Variants in RNF144A observed in about 807,000 individuals in gnomAD.
RNF144A encodes E3 ubiquitin-protein ligase RNF144A.
Under a neutral mutation model 38.7 loss-of-function variants are expected in RNF144A, and 11 were observed. The ratio of observed to expected loss-of-function variants is 0.28; its 90% CI spans 0.18 to 0.47. The LOEUF (loss-of-function observed/expected upper bound fraction) is 0.47, where lower values mean the gene tolerates loss of function less well. RNF144A is among the 20% of genes least tolerant of loss of function. The pLI is 0.99. For missense variants in RNF144A, 316 were observed against 377.2 expected (o/e 0.84, Z 1.34); for synonymous variants, 149 against 143.9 (o/e 1.04, Z -0.25).
chr2:6,945,175 TA>T (rs1314075387), intron 2 of RNF144A, among the ~76,000 whole-genome samples: 1 of 152,268 alleles, frequency 6.6e-6, no homozygotes, highest in African/African-American at 2.4e-5. Flanking sequence ...AGCTGGCCTT[TA>T]GGGCAAAGGT....
At chr2:7,052,744 G>GT (rs879625504) in intron 6 of RNF144A, among the ~76,000 whole-genome samples, 9 of 151,994 alleles carry the variant, frequency 5.9e-5, no homozygotes, top group Admixed American at 5.9e-4. Flanking sequence ...GGGGTGGGGG[G>GT]GAATCACTCG....
At chr2:7,021,502 G>C (rs1005765246) in intron 6 of RNF144A, among the ~76,000 whole-genome samples, 1 of 152,090 alleles carries the variant, frequency 6.6e-6, no homozygotes, top group Admixed American at 6.5e-5. Context: ...CCTTCCGGGC[G>C]AACCTCTCTT....
chr2:6,940,434 G>A (rs1006824291), intron 1 of RNF144A, among the ~76,000 whole-genome samples: 5 of 152,124 alleles, frequency 3.3e-5, no homozygotes, highest in Non-Finnish European at 7.3e-5. Flanking sequence ...TGATAACGCT[G>A]AATTTATGTC....
At chr2:6,928,966 G>A (rs930117720) in intron 1 of RNF144A, among the ~76,000 whole-genome samples, 2 of 152,154 alleles carry the variant, frequency 1.3e-5, no homozygotes, top group Non-Finnish European at 2.9e-5. Context: ...CATTTTGGGG[G>A]TGACATGGAA....
chr2:7,005,077 G>A (rs375661940), intron 3 of RNF144A, among the ~76,000 whole-genome samples: 6 of 152,286 alleles, frequency 3.9e-5, no homozygotes, highest in South Asian at 2.1e-4. Flanking sequence ...AAATCATAGC[G>A]TCGTCAGATT....
intron 2 of RNF144A, among the ~76,000 whole-genome samples, chr2:6,949,520 G>T (rs1207089322): frequency 6.6e-6 from 1 of 151,942 alleles, no homozygotes; most frequent in Non-Finnish European, 1.5e-5. Context: ...GACATCCTCT[G>T]TATTAAAAGG....
At chr2:7,000,488 G>A (rs1358862868) in intron 3 of RNF144A, among the ~76,000 whole-genome samples, 1 of 152,220 alleles carries the variant, frequency 6.6e-6, no homozygotes, top group Non-Finnish European at 1.5e-5. Flanking sequence ...AATCTAAAAT[G>A]TAGAAGATGT....
At chr2:7,017,051 T>C (rs1482172726) in intron 5 of RNF144A, among the ~76,000 whole-genome samples, 1 of 152,202 alleles carries the variant, frequency 6.6e-6, no homozygotes, top group African/African-American at 2.4e-5. Flanking sequence ...CTCCAGAGTC[T>C]GGGTAGGGAC....
intron 7 of RNF144A, among the ~76,000 whole-genome samples, chr2:7,025,770 T>C (rs1671851946): frequency 6.6e-6 from 1 of 152,242 alleles, no homozygotes; most frequent in Non-Finnish European, 1.5e-5. Flanking sequence ...GCAAATCAAG[T>C]CGTGTTTCAT....
At chr2:6,973,836 C>A (rs1052027671) in intron 2 of RNF144A, among the ~76,000 whole-genome samples, 1 of 152,228 alleles carries the variant, frequency 6.6e-6, no homozygotes, top group Non-Finnish European at 1.5e-5. Flanking sequence ...GCTTACGTGC[C>A]GTCTCTGGCT....
At chr2:7,026,160 A>G (rs1387361133) in intron 7 of RNF144A, among the ~76,000 whole-genome samples, 1 of 152,226 alleles carries the variant, frequency 6.6e-6, no homozygotes, top group African/African-American at 2.4e-5. Context: ...GGACTATTAC[A>G]TATGGTAACG....
At chr2:7,009,410 G>C (rs980058657) in intron 3 of RNF144A, among the ~76,000 whole-genome samples, 3 of 152,152 alleles carry the variant, frequency 2.0e-5, no homozygotes, top group Non-Finnish European at 4.4e-5. Flanking sequence ...GAGCCTGCCT[G>C]CCTCCTGCAC....
intron 6 of RNF144A, among the ~76,000 whole-genome samples, chr2:7,062,522 GAAAT>G (rs1674008379): frequency 7.2e-6 from 1 of 139,752 alleles, no homozygotes; most frequent in African/African-American, 2.7e-5. Context: ...AAAAAAGAAA[GAAAT>G]AGAAAGAGGG....
intron 5 of RNF144A, among the ~76,000 whole-genome samples, chr2:7,015,641 A>G (rs1418108371): frequency 6.6e-6 from 1 of 152,218 alleles, no homozygotes; most frequent in African/African-American, 2.4e-5. Flanking sequence ...GAAACTGTAA[A>G]GAGTCTGTGG....
At position 6,995,298 on chromosome 2, in the gene RNF144A, AG is replaced by A. The variant is rs572750918; in HGVS notation, c.-11-1617del. On this transcript the variant is annotated intron_variant, in intron 2 of 8. Transcript: ENST00000320892. ...AGTCCCAAACCTACCTGTGGCACACAGCGGCATCGTCAGATTCCCTGTCTGC... is the reference window on the plus strand; with the variant it reads ...AGTCCCAAACCTACCTGTGGCACACACGGCATCGTCAGATTCCCTGTCTGC... Among the ~76,000 whole-genome samples, 324 of 152,232 alleles carry A rather than the reference AG, an allele frequency of 2.1e-3. 1 individual carries two copies. Among genetic ancestry groups the A allele is most frequent in the Non-Finnish European group, 4.0e-3 (269 of 68,008 alleles).
chr2:6,999,562 G>A (rs1489028901), intron 3 of RNF144A, among the ~76,000 whole-genome samples: 5 of 152,208 alleles, frequency 3.3e-5, no homozygotes, highest in Admixed American at 2.6e-4. Flanking sequence ...CAAGGAGTCC[G>A]GGGCTAGAGG....
At chr2:6,935,470 C>A (rs1252303344) in intron 1 of RNF144A, among the ~76,000 whole-genome samples, 1 of 152,230 alleles carries the variant, frequency 6.6e-6, no homozygotes, top group Non-Finnish European at 1.5e-5. Context: ...CATCCGAGGG[C>A]CCCACGGCTC....
Position 7,039,700 on chromosome 2 carries a change from C to G in RNF144A, c.819C>G (p.Pro273=), listed in dbSNP as rs534776470. Residue 273 remains proline, a synonymous_variant, in exon 9 of 9, where the codon CCC becomes CCG. Transcript: ENST00000320892. ...CACCTTTCCTACTCCTGGCCACTCC[C>G]TTTGTACTTTGCTGCAAGTGCAAGT... The part of the protein sequence containing the change: ...VASPFLLLAT[P]FVLCCKCKCS... 2 of 1,614,086 alleles carry G rather than the reference C, an allele frequency of 1.2e-6. No homozygotes were observed. The highest frequency in any genetic ancestry group is 2.7e-5 in the African/African-American group (2 of 75,040).
chr2:6,977,426 A>C (rs921499309), intron 2 of RNF144A, among the ~76,000 whole-genome samples: 1 of 152,272 alleles, frequency 6.6e-6, no homozygotes, highest in African/African-American at 2.4e-5. Flanking sequence ...GATCAAATCA[A>C]CACTGAGCAT....
Sources: gnomAD v4.1 joint callset for allele counts (sites outside exome capture counted in the v4.1 genomes callset) on GRCh38, gnomAD v4.1.1 for gene constraint, MANE v1.5 for transcripts, NCBI Gene and HGNC (gene_info 2026-07-23, HGNC 2026-07-21) for gene names.